Variants in ANXA8 observed in about 807,000 individuals in gnomAD.
The protein encoded by ANXA8 is VAC-beta.
Under a neutral mutation model 26.8 loss-of-function variants are expected in ANXA8, and 9 were observed. The ratio of observed to expected loss-of-function variants is 0.34; its 90% CI spans 0.20 to 0.59. ANXA8 has a LOEUF of 0.59. Ranked by LOEUF, ANXA8 falls within the 20% of genes least tolerant of loss-of-function variation. ANXA8 has a pLI of 0.84. For synonymous variants in ANXA8, 39 were observed against 94.8 expected (o/e 0.41, Z 3.42); for missense variants, 83 against 238.5 (o/e 0.35, Z 4.29).
the ANXA8 span, among the ~76,000 whole-genome samples, chr10:47,687,318 T>C: frequency 2.0e-5 from 3 of 151,006 alleles, no homozygotes; most frequent in Non-Finnish European, 4.4e-5. Flanking sequence ...GCTGGAGTGC[T>C]GGAGTGCAGT....
the ANXA8 span, among the ~76,000 whole-genome samples, chr10:47,525,802 ATTTT>A: frequency 1.2e-5 from 1 of 80,520 alleles, no homozygotes; most frequent in African/African-American, 4.8e-5. Context: ...GCTGAACACT[ATTTT>A]TTTTTTTTTT....
At chr10:47,688,740 G>A in the ANXA8 span, among the ~76,000 whole-genome samples, 3 of 150,514 alleles carry the variant, frequency 2.0e-5, no homozygotes, top group South Asian at 6.4e-4. Flanking sequence ...CTAATTTAAA[G>A]GTGACTGTAA....
the ANXA8 span, among the ~76,000 whole-genome samples, chr10:47,898,896 T>G: frequency 6.8e-6 from 1 of 147,196 alleles, no homozygotes; most frequent in Non-Finnish European, 1.5e-5. Context: ...TGCAGTGGCA[T>G]GATCTTGGCT....
chr10:47,506,597 T>C, the ANXA8 span, among the ~76,000 whole-genome samples: 4 of 142,884 alleles, frequency 2.8e-5, 1 homozygote, highest in African/African-American at 7.6e-5. Flanking sequence ...CCCAAAATGC[T>C]GGGATTACAG....
At chr10:47,621,742 T>G in the ANXA8 span, among the ~76,000 whole-genome samples, 1 of 108,310 alleles carries the variant, frequency 9.2e-6, no homozygotes, top group Admixed American at 9.9e-5. Flanking sequence ...TCATAATTTC[T>G]GTAACAGAGC....
the ANXA8 span, among the ~76,000 whole-genome samples, chr10:47,644,237 A>G: frequency 6.7e-6 from 1 of 148,770 alleles, no homozygotes; most frequent in East Asian, 1.9e-4. Context: ...CATAGCTCTC[A>G]TTAACCTTGT....
At chr10:47,720,704 CAT>C in the ANXA8 span, among the ~76,000 whole-genome samples, 3 of 140,918 alleles carry the variant, frequency 2.1e-5, no homozygotes, top group Non-Finnish European at 3.1e-5. Flanking sequence ...ATATATTCCA[CAT>C]GTTATCATGG....
chr10:47,894,714 C>T, the ANXA8 span, among the ~76,000 whole-genome samples: 2 of 152,216 alleles, frequency 1.3e-5, no homozygotes, highest in East Asian at 1.9e-4. Flanking sequence ...ACACCCCATA[C>T]AGTACACCCT....
At chr10:47,954,658 G>A in the ANXA8 span, among the ~76,000 whole-genome samples, 3 of 151,014 alleles carry the variant, frequency 2.0e-5, no homozygotes, top group Admixed American at 1.3e-4. Flanking sequence ...AACACCTCAT[G>A]TACTCCATAA....
At chr10:47,980,256 G>A in the ANXA8 span, among the ~76,000 whole-genome samples, 1 of 151,624 alleles carries the variant, frequency 6.6e-6, no homozygotes, top group Non-Finnish European at 1.5e-5. Flanking sequence ...ATATCAAAGT[G>A]TATGGGATGC....
chr10:47,741,059 G>C, the ANXA8 span, among the ~76,000 whole-genome samples: 1 of 144,782 alleles, frequency 6.9e-6, no homozygotes, highest in African/African-American at 2.5e-5. Flanking sequence ...CTGTAAAGTG[G>C]AACCTCCTGG....
chr10:47,619,684 C>T, the ANXA8 span, among the ~76,000 whole-genome samples: 4 of 117,014 alleles, frequency 3.4e-5, 1 homozygote, highest in Non-Finnish European at 1.9e-5. Flanking sequence ...GTCTTCTTAA[C>T]GTGTATTTAT....
chr10:47,679,777 G>A, the ANXA8 span, among the ~76,000 whole-genome samples: 1,020 of 151,878 alleles, frequency 6.7e-3, 14 homozygotes, highest in African/African-American at 0.023. Context: ...AAAAAGGCGG[G>A]CATGGTGGCA....
At chr10:47,496,959 C>T in the ANXA8 span, among the ~76,000 whole-genome samples, 26 of 141,074 alleles carry the variant, frequency 1.8e-4, no homozygotes, top group Middle Eastern at 3.6e-3. Context: ...CTTTCCCCCT[C>T]ATAGGGGGAA....
chr10:47,526,170 C>T, the ANXA8 span, among the ~76,000 whole-genome samples: 1 of 128,082 alleles, frequency 7.8e-6, no homozygotes, highest in Non-Finnish European at 1.6e-5. Context: ...ACAATCATTG[C>T]TCACTGCAAC....
chr10:47,525,423 A>C, the ANXA8 span, among the ~76,000 whole-genome samples: 7 of 142,880 alleles, frequency 4.9e-5, 1 homozygote, highest in Non-Finnish European at 9.1e-5. Context: ...AAAACAAAAC[A>C]AAACCCTATA....
Position 47,473,993 on chromosome 10 carries a change from A to C in ANXA8, c.719T>G (p.Leu240Arg). The C allele has an allele frequency of 1.9e-6, 1 of 533,700 alleles. No homozygotes were observed. Among genetic ancestry groups the C allele is most frequent in the Non-Finnish European group, 3.2e-6 (1 of 317,104 alleles). 33.1% of individuals were successfully genotyped at this position (533,700 alleles called of 1,614,324 possible). Reference sequence around the variant, plus strand: ...ACCCACAGTGAGCATGGCCTCCTCCAGTGAGCCATGGGTCTCACTCTTGAT... The same window carrying C: ...ACCCACAGTGAGCATGGCCTCCTCCCGTGAGCCATGGGTCTCACTCTTGAT... The part of the protein sequence containing the change: ...DSIKSETHGS[L>R]EEAMLTVVKC... Residue 240 changes from leucine (L) to arginine (R), a missense_variant, in exon 9 of 12, where the codon CTG (leucine) becomes CGG (arginine). Physicochemically the swap from Leu to Arg is moderately radical, Grantham distance 102. Around this residue, in one of 6 missense-constraint regions of ANXA8, gnomAD observed 28 missense variants for 37.7 expected, o/e 0.74. Coordinates refer to ENST00000585281, the MANE Select transcript of ANXA8 (RefSeq NM_001040084.3).
the ANXA8 span, chr10:47,502,518 A>C: frequency 6.2e-7 from 1 of 1,613,028 alleles, no homozygotes; most frequent in Non-Finnish European, 8.5e-7. Context: ...TGGCTAGCTC[A>C]TTGCCAATAG....
the ANXA8 span, among the ~76,000 whole-genome samples, chr10:47,954,381 T>C: frequency 1.3e-5 from 2 of 151,212 alleles, no homozygotes; most frequent in African/African-American, 4.9e-5. Flanking sequence ...GGAATGATGG[T>C]CACCAGAGCT....
Sources: gnomAD v4.1 joint callset for allele counts (sites outside exome capture counted in the v4.1 genomes callset) on GRCh38, gnomAD v4.1.1 for gene constraint, gnomAD v4.1.1 regional missense constraint, MANE v1.5 for transcripts, NCBI Gene and HGNC (gene_info 2026-07-23, HGNC 2026-07-21) for gene names.